The following RAF1 variants were observed in gnomAD, a reference collection of about 807,000 sequenced individuals.
RAF1 encodes Raf-1 proto-oncogene, serine/threonine kinase.
Under a neutral mutation model 81.1 loss-of-function variants are expected in RAF1, and 27 were observed. The observed-to-expected ratio is 0.33, with a 90% CI of 0.25 to 0.46. The LOEUF is 0.46. Among genes scored for constraint, RAF1 ranks in the 20% least tolerant of loss-of-function variants. The pLI, the probability that RAF1 is intolerant of heterozygous loss-of-function variation, is 1.00. For missense variants in RAF1, 598 were observed against 826.0 expected, an observed-to-expected ratio of 0.72 and a Z score of 3.38; for synonymous variants, 298 against 294.0, an observed-to-expected ratio of 1.01 and a Z score of -0.14.
chr3:12,602,307 T>G (rs2058885623), intron 8 of RAF1, among the ~76,000 whole-genome samples: 1 of 152,216 alleles, frequency 6.6e-6, no homozygotes, highest in Admixed American at 6.5e-5. Flanking sequence ...GTGATTAAAT[T>G]AACAGGAATC....
chr3:12,599,732 C>G lies in RAF1; in HGVS notation c.1127G>C (p.Gly376Ala), dbSNP rs1357778828. Reference sequence around the variant, plus strand: ...ATAAACAGTTCCAAAAGAGCCTGACCCAATCCGAGTGGACAGCATCACTTC... The same window carrying G: ...ATAAACAGTTCCAAAAGAGCCTGACGCAATCCGAGTGGACAGCATCACTTC... Residue 376 changes from glycine to alanine, a missense_variant, in exon 11 of 18, where the codon GGG becomes GCG. Gly to Ala is a moderately conservative substitution (Grantham distance 60, BLOSUM62 0). Coordinates refer to ENST00000442415, the MANE Select transcript of RAF1 (RefSeq NM_001354689.3). 1 of 1,613,998 alleles carries G rather than the reference C, an allele frequency of 6.2e-7. No individual in the cohort carries two copies. Among genetic ancestry groups the G allele is most frequent in the African/African-American group, 1.3e-5 (1 of 74,892 alleles).
chr3:12,654,520 T>C (rs1418912453), intron 1 of RAF1, among the ~76,000 whole-genome samples: 1 of 151,558 alleles, frequency 6.6e-6, no homozygotes, highest in Non-Finnish European at 1.5e-5. Flanking sequence ...GAAGATGGCT[T>C]GTGCCTGGGA....
At chr3:12,647,592 T>TCAAA (rs34420595) in intron 1 of RAF1, among the ~76,000 whole-genome samples, 13 of 151,644 alleles carry the variant, frequency 8.6e-5, no homozygotes, top group Admixed American at 3.9e-4. Context: ...AGACCCTGTC[T>TCAAA]CAAACAAACA....
At chr3:12,602,156 T>C (rs546563303) in intron 8 of RAF1, among the ~76,000 whole-genome samples, 15 of 152,338 alleles carry the variant, frequency 9.8e-5, no homozygotes, top group African/African-American at 3.1e-4. Context: ...CTAATTTCTA[T>C]AGTTGGATCA....
intron 2 of RAF1, among the ~76,000 whole-genome samples, chr3:12,617,304 G>A (rs1575597802): frequency 1.3e-5 from 2 of 151,980 alleles, no homozygotes; most frequent in East Asian, 3.9e-4. Context: ...TAGTAGAGAT[G>A]GGGTTTCACC....
chr3:12,600,476 GA>G, intron 8 of RAF1, 61 bp from the exon 8 acceptor site: 2 of 1,564,050 alleles, frequency 1.3e-6, no homozygotes, highest in Non-Finnish European at 1.8e-6. Context: ...CTGGGGGAGG[GA>G]AAAAAGAGGA....
At chr3:12,640,317 T>C (rs1375255353) in intron 1 of RAF1, among the ~76,000 whole-genome samples, 1 of 152,168 alleles carries the variant, frequency 6.6e-6, no homozygotes, top group Non-Finnish European at 1.5e-5. Context: ...GGCAAGGACT[T>C]CATGACTAAA....
chr3:12,616,367 C>T (rs1559444625), intron 2 of RAF1, among the ~76,000 whole-genome samples: 1 of 152,196 alleles, frequency 6.6e-6, no homozygotes, highest in Non-Finnish European at 1.5e-5. Context: ...CTTCTCATAA[C>T]ACACACTTCC....
intron 15 of RAF1, 118 bp downstream of exon 14, chr3:12,585,562 AC>A: frequency 7.5e-7 from 1 of 1,337,380 alleles, no homozygotes; most frequent in Non-Finnish European, 1.1e-6. Context: ...GCTGGCTGTC[AC>A]TAGGGGTCAT....
At chr3:12,618,454 T>C (rs2059444714) in intron 2 of RAF1, 61 bp downstream of exon 2, 2 of 1,555,828 alleles carry the variant, frequency 1.3e-6, no homozygotes, top group East Asian at 4.5e-5. Flanking sequence ...TTGAACATGA[T>C]CCTTAATGTG....
intron 1 of RAF1, among the ~76,000 whole-genome samples, chr3:12,642,893 A>G (rs1390000583): frequency 6.6e-6 from 1 of 152,002 alleles, no homozygotes; most frequent in Non-Finnish European, 1.5e-5. Flanking sequence ...TCTCAGAAAA[A>G]AAAAAAAGAA....
At chr3:12,598,891 G>A (rs2058774061) in intron 11 of RAF1, among the ~76,000 whole-genome samples, 1 of 152,114 alleles carries the variant, frequency 6.6e-6, no homozygotes, top group African/African-American at 2.4e-5. Flanking sequence ...ATCCAAAGTA[G>A]TATAGGCACC....
intron 1 of RAF1, among the ~76,000 whole-genome samples, chr3:12,632,433 G>A (rs2059894044): frequency 6.6e-6 from 1 of 151,958 alleles, no homozygotes; most frequent in Admixed American, 6.6e-5. Flanking sequence ...GCAGGGAGAA[G>A]TAGGTTTAAC....
In RAF1 at chr3:12,618,653, A is replaced by C. The variant is rs1312493403; in HGVS notation, c.69T>G (p.Asp23Glu). 6.2e-7 allele frequency: 1 copy of C among 1,614,208 alleles called. No individual in the cohort carries two copies. Among genetic ancestry groups the C allele is most frequent in the Admixed American group, 1.7e-5 (1 of 60,024 alleles). ...TTGTAGGAGAGATGCAGCTGGAGCC[A>C]TCAAACACGGCATCTTTGAATCCAA... The change falls in exon 2 of 18, where the codon GAT (aspartate) becomes GAG (glutamate). Residue 23 changes from aspartate to glutamate, a missense_variant. Coordinates refer to ENST00000442415, the MANE Select transcript of RAF1 (RefSeq NM_001354689.3).
chr3:12,590,851 C>G lies in RAF1; in HGVS notation c.1377G>C (p.Lys459Asn), dbSNP rs1463012063. ...TGTCAATTAGCTGGAACATCTGAAA[C>G]TTGGTCTCCTGGACATGCAGGTGTT... Residue 459 changes from lysine (K) to asparagine (N), a missense_variant, in exon 13 of 18, where the codon AAG (lysine) becomes AAC (asparagine). By Grantham distance (94) the Lys-to-Asn change is moderately conservative. This residue lies in a region of RAF1 where 85 missense variants were observed against 185.6 expected (regional missense o/e 0.46). Transcript: ENST00000442415. 2 of 1,613,960 alleles carry G rather than the reference C, an allele frequency of 1.2e-6. No homozygotes were observed. Among genetic ancestry groups the G allele is most frequent in the Non-Finnish European group, 1.7e-6 (2 of 1,179,910 alleles).
In RAF1 at chr3:12,590,828, T is replaced by A. The variant is rs752833720; in HGVS notation, c.1400A>T (p.Asp467Val). Residue 467 changes from aspartate to valine, a missense_variant, in exon 13 of 18, where the codon GAC becomes GTC. Physicochemically the swap from Asp to Val is radical, Grantham distance 152. Transcript: ENST00000442415. ...TCCCTGAGCCGTCTGCCGGGCAATG[T>A]CAATTAGCTGGAACATCTGAAACTT... 2 of 1,613,958 alleles carry A rather than the reference T, an allele frequency of 1.2e-6. No individual in the cohort carries two copies. The highest frequency in any genetic ancestry group is 1.7e-6 in the Non-Finnish European group (2 of 1,179,950).
At chr3:12,661,225 T>C (rs1207537143) in intron 1 of RAF1, among the ~76,000 whole-genome samples, 8 of 152,224 alleles carry the variant, frequency 5.3e-5, no homozygotes, top group Non-Finnish European at 1.2e-4. Context: ...ATTATAGCTA[T>C]TTTAGGAAAA....
intron 11 of RAF1, among the ~76,000 whole-genome samples, chr3:12,595,879 C>CTT (rs35282213): frequency 0.018 from 2,553 of 144,896 alleles, 37 homozygotes; most frequent in Admixed American, 0.046. Context: ...CCTTAAGTTT[C>CTT]TTTTTTTTTT....
At chr3:12,597,590 G>A (rs185114841) in intron 11 of RAF1, among the ~76,000 whole-genome samples, 1 of 152,218 alleles carries the variant, frequency 6.6e-6, no homozygotes, top group African/African-American at 2.4e-5. Context: ...TCTTTCCTAA[G>A]GAATCCTGGA....
Sources: allele counts gnomAD v4.1 joint callset (sites outside exome capture counted in the v4.1 genomes callset), GRCh38; gene constraint gnomAD v4.1.1; regional missense constraint gnomAD v4.1.1; transcripts MANE v1.5; gene names NCBI Gene and HGNC (gene_info 2026-07-23, HGNC 2026-07-21).